TCHH: variants seen among roughly 807,000 people sequenced by gnomAD.
TCHH encodes the protein trichohyalin.
In TCHH, 6 loss-of-function variants were observed where a neutral mutation model predicts 6.3. The observed-to-expected ratio is 0.95, with a 90% confidence interval of 0.52 to 1.88. TCHH has a LOEUF of 1.88. TCHH is among the 40% of genes most tolerant of loss of function. TCHH has a pLI of 0.01. For synonymous variants in TCHH, 1,087 were observed against 963.6 expected (o/e 1.13, Z -2.37); for missense variants, 2,920 against 2,449.1 (o/e 1.19, Z -4.06).
chr1:152,109,202 G>A lies in TCHH; in HGVS notation c.4015C>T (p.Arg1339Cys), dbSNP rs867454892. 2.5e-6 allele frequency: 4 copies of A among 1,614,122 alleles called. No homozygotes were observed. Among genetic ancestry groups the A allele is most frequent in the Middle Eastern group, 1.6e-4 (1 of 6,084 alleles). The change falls in exon 3 of 3, where the codon CGC becomes TGC. Residue 1339 changes from arginine (R) to cysteine (C), a missense_variant. Coordinates refer to ENST00000614923, the MANE Select transcript of TCHH (RefSeq NM_007113.4). ...RRRQETDRKF[R>C]EEEQLLQERE... ...TCCTGGAGCAGCTGTTCCTCCTCGC[G>A]GAATTTTCTGTCTGTCTCTTGACGG...
rs752069494 is a variant in TCHH, at chr1:152,108,350, C to T, written c.4867G>A (p.Glu1623Lys). Residue 1623 changes from glutamate (E) to lysine (K), a missense_variant, in exon 3 of 3, where the codon GAA (glutamate) becomes AAA (lysine). Coordinates refer to ENST00000614923, the MANE Select transcript of TCHH (RefSeq NM_007113.4). Reference protein sequence around the residue: ...LRQERDRKFREDEQLLQEREE... With the variant: ...LRQERDRKFRKDEQLLQEREE... ...CTTTCCTGGAGCAGCTGTTCGTCTT[C>T]GCGGAATTTTCTGTCGCGCTCCTGG... is the stretch of plus-strand genomic sequence containing the variant. The T allele has an allele frequency of 6.2e-7, 1 of 1,606,592 alleles. No individual in the cohort carries two copies. The highest frequency in any genetic ancestry group is 1.7e-5 in the Admixed American group (1 of 59,300).
rs201179054 is a variant in TCHH at position 152,108,542 on chromosome 1, C to G, written c.4675G>C (p.Glu1559Gln). The G allele has an allele frequency of 2.5e-6, 4 of 1,605,722 alleles. No homozygotes were observed. Among genetic ancestry groups the G allele is most frequent in the African/African-American group, 1.4e-5 (1 of 72,736 alleles). The change falls in exon 3 of 3, where the codon GAG (glutamate) becomes CAG (glutamine). Residue 1559 changes from glutamate (E) to glutamine (Q), a missense_variant. By Grantham distance (29) the Glu-to-Gln change is conservative. Coordinates refer to ENST00000614923, the MANE Select transcript of TCHH (RefSeq NM_007113.4). ...RRQDRDRKFR[E>Q]EEQLRQEREE... ...CTCTCCTGGCGCAGCTGTTCCTCCT[C>G]GCGGAATTTTCTGTCACGGTCCTGA...
Position 152,110,631 on chromosome 1 carries a change from C to T in TCHH, c.2586G>A (p.Arg862=), listed in dbSNP as rs781459279. 6.2e-7 allele frequency: 1 copy of T among 1,614,072 alleles called. No individual in the cohort carries two copies. The highest frequency in any genetic ancestry group is 1.3e-5 in the African/African-American group (1 of 74,948). ...CGCGGCGCTGCTCCTGGCTTCGCCTCCTCTCCTGATCCTCCTGGAGGCCGT... is the reference window on the plus strand; with the variant it reads ...CGCGGCGCTGCTCCTGGCTTCGCCTTCTCTCCTGATCCTCCTGGAGGCCGT... ...EEDGLQEDQE[R]RRSQEQRRDQ... is the part of the protein sequence containing the mutation. The change falls in exon 3 of 3, where the codon AGG becomes AGA. Residue 862 remains arginine (R), a synonymous_variant. Coordinates refer to ENST00000614923, the MANE Select transcript of TCHH (RefSeq NM_007113.4).
chr1:152,108,068 G>A lies in TCHH; in HGVS notation c.5149C>T (p.Arg1717Cys), dbSNP rs978447658. The part of the protein sequence containing the change: ...RKFLQEEQQL[R>C]RQELERKFRE... ...AATTTTCTCTCCAGTTCCTGGCGGC[G>A]CAGCTGCTGTTCCTCCTGGAGGAAT... Residue 1717 changes from arginine (R) to cysteine (C), a missense_variant, in exon 3 of 3, where the codon CGC (arginine) becomes TGC (cysteine). By Grantham distance (180) the Arg-to-Cys change is radical. Coordinates refer to ENST00000614923, the MANE Select transcript of TCHH (RefSeq NM_007113.4). 6.2e-7 allele frequency: 1 copy of A among 1,613,492 alleles called. No individual in the cohort carries two copies. Among genetic ancestry groups the A allele is most frequent in the South Asian group, 1.1e-5 (1 of 91,058 alleles).
Position 152,107,739 on chromosome 1 carries a change from C to T in TCHH, c.5478G>A (p.Glu1826=). 3 of 1,614,238 alleles carry T rather than the reference C, an allele frequency of 1.9e-6. No homozygotes were observed. In the South Asian group the frequency reaches 3.3e-5, roughly 18 times the overall value. The part of the protein sequence containing the change: ...QRDGKYRWEE[E]QLQLEEQEQR... Reference sequence around the variant, plus strand: ...GCTCTTGTTCCTCAAGTTGGAGCTGCTCTTCTTCCCAGCGATACTTTCCGT... The same window carrying T: ...GCTCTTGTTCCTCAAGTTGGAGCTGTTCTTCTTCCCAGCGATACTTTCCGT... Residue 1826 remains glutamate (E), a synonymous_variant, in exon 3 of 3, where the codon GAG becomes GAA. Transcript: ENST00000614923.
chr1:152,107,723 C>G lies in TCHH; in HGVS notation c.5494G>C (p.Glu1832Gln). Residue 1832 changes from glutamate to glutamine, a missense_variant, in exon 3 of 3, where the codon GAA becomes CAA. Transcript: ENST00000614923. ...TCCTGCCGCAGCCTCTGCTCTTGTT[C>G]CTCAAGTTGGAGCTGCTCTTCTTCC... ...RWEEEQLQLE[E>Q]QEQRLRQERD... The G allele has an allele frequency of 6.2e-7, 1 of 1,614,182 alleles. No individual in the cohort carries two copies. The highest frequency in any genetic ancestry group is 8.5e-7 in the Non-Finnish European group (1 of 1,180,038).
intron 1 of TCHH, 125 bp downstream of exon 1, chr1:152,115,262 GTTTA>G (rs1297460963): frequency 6.6e-6 from 1 of 152,180 alleles, no homozygotes; most frequent in Non-Finnish European, 1.5e-5. Flanking sequence ...GTTAGTGATA[GTTTA>G]TTTATCCCTG....
intron 2 of TCHH, 126 bp downstream of exon 2, chr1:152,113,817 G>T: frequency 9.3e-7 from 1 of 1,075,354 alleles, no homozygotes; most frequent in Admixed American, 2.5e-5. Flanking sequence ...AAATGAATGG[G>T]GGATGTAGTG....
At position 152,108,220 on chromosome 1, in the gene TCHH, TC is replaced by T. The variant is rs762044923; in HGVS notation, c.4996del (p.Asp1666ThrfsTer85). 7.9e-5 allele frequency: 127 copies of T among 1,613,100 alleles called. No individual in the cohort carries two copies. Among genetic ancestry groups the T allele is most frequent in the Non-Finnish European group, 1.0e-4 (120 of 1,179,764 alleles). On this transcript the variant is annotated frameshift_variant, in exon 3 of 3. Transcript: ENST00000614923. LOFTEE classifies it low-confidence loss of function (END_TRUNC). ...EREQQLRHDR[D>X]RKFREEEQLL... ...CTGTTCCTCTTCACGGAATTTTCTG[TC>T]GCGGTCGTGACGCAGCTGTTGTTCG...
rs1557809450 is a variant in TCHH, at chr1:152,109,171, T to TC, written c.4045dup (p.Glu1349GlyfsTer11). On this transcript the variant is annotated frameshift_variant, in exon 3 of 3. Transcript: ENST00000614923. LOFTEE classifies it low-confidence loss of function (END_TRUNC). ...CTCTTGGCGGCGCAGCGGCTGTTCC[T>TC]CCCTTTCCTGGAGCAGCTGTTCCTC... 1 of 1,613,894 alleles carries TC rather than the reference T, an allele frequency of 6.2e-7. No individual in the cohort carries two copies. The highest frequency in any genetic ancestry group is 2.2e-5 in the East Asian group (1 of 44,884).
rs1480378588 is a variant in TCHH at position 152,106,338 on chromosome 1, TTAA to T, written c.*1044_*1046del. ...GTAGTTACTTGCCAAACATTTATTATTAATTTTTCACAGTCCAATTATTTCAAC... is the reference window on the plus strand; with the variant it reads ...GTAGTTACTTGCCAAACATTTATTATTTTTTCACAGTCCAATTATTTCAAC... On this transcript the variant is annotated 3_prime_UTR_variant, in exon 3 of 3. Coordinates refer to ENST00000614923, the MANE Select transcript of TCHH (RefSeq NM_007113.4). 6.6e-6 allele frequency: 1 copy of T among 152,194 alleles called. No homozygotes were observed. The highest frequency in any genetic ancestry group is 2.4e-5 in the African/African-American group (1 of 41,442). 9.4% of individuals were successfully genotyped at this position (152,194 alleles called of 1,614,324 possible).
chr1:152,111,353 G>A lies in TCHH; in HGVS notation c.1864C>T (p.Arg622Cys), dbSNP rs758469319. 1.9e-6 allele frequency: 3 copies of A among 1,604,606 alleles called. No homozygotes were observed. In the African/African-American group the frequency reaches 4.2e-5, roughly 22 times the overall value. Reference protein sequence around the residue: ...QEERREQRLKREEPEEERRQQ... With the variant: ...QEERREQRLKCEEPEEERRQQ... Reference sequence around the variant, plus strand: ...CGCCTCTCTTCCTCCGGCTCCTCGCGCTTCAGCCGCTGCTCGCGCCTCTCC... The same window carrying A: ...CGCCTCTCTTCCTCCGGCTCCTCGCACTTCAGCCGCTGCTCGCGCCTCTCC... Residue 622 changes from arginine (R) to cysteine (C), a missense_variant, in exon 3 of 3, where the codon CGC becomes TGC. Coordinates refer to ENST00000614923, the MANE Select transcript of TCHH (RefSeq NM_007113.4).
Position 152,110,558 on chromosome 1 carries a change from G to A in TCHH, c.2659C>T (p.His887Tyr). The A allele has an allele frequency of 6.2e-7, 1 of 1,614,144 alleles. No individual in the cohort carries two copies. The highest frequency in any genetic ancestry group is 8.5e-7 in the Non-Finnish European group (1 of 1,180,028). ...QLEEERKRRR[H>Y]TLYAKPALQE... ...AGGGCTGGCTTGGCGTACAGCGTGT[G>A]GCGGCGTCTCTTCCTTTCTTCTTCT... Residue 887 changes from histidine to tyrosine, a missense_variant, in exon 3 of 3, where the codon CAC becomes TAC. Transcript: ENST00000614923.
chr1:152,111,251 C>T lies in TCHH; in HGVS notation c.1966G>A (p.Glu656Lys), dbSNP rs774008230. Residue 656 changes from glutamate to lysine, a missense_variant, in exon 3 of 3, where the codon GAG becomes AAG. Coordinates refer to ENST00000614923, the MANE Select transcript of TCHH (RefSeq NM_007113.4). ...QLRREQQERR[E>K]QRLKREEEEE... is the part of the protein sequence containing the mutation. ...TCCTCCTCGCGCTTCAGCCGCTGCT[C>T]GCGCCTTTCCTGCTGCTCGCGCCTT... is the stretch of plus-strand genomic sequence containing the variant. 7.5e-6 allele frequency: 12 copies of T among 1,601,400 alleles called. No individual in the cohort carries two copies. Among genetic ancestry groups the T allele is most frequent in the African/African-American group, 1.4e-5 (1 of 72,646 alleles).
chr1:152,111,819 CCT>C lies in TCHH; in HGVS notation c.1396_1397del (p.Arg466AlafsTer211), dbSNP rs1460631290. The C allele has an allele frequency of 1.0e-5, 16 of 1,586,856 alleles. No individual in the cohort carries two copies. The highest frequency in any genetic ancestry group is 1.4e-5 in the Non-Finnish European group (16 of 1,168,876). Reference sequence around the variant, plus strand: ...GCTGCTTGCGCCTCTCCTGCTCGTGCCTCTCCGTCTCCTCCTCGCGCTTCAGC... The same window carrying C: ...GCTGCTTGCGCCTCTCCTGCTCGTGCCTCCGTCTCCTCCTCGCGCTTCAGC... Reference protein sequence around the residue: ...DWLKREEETERHEQERRKQQL... With the variant: ...DWLKREEETEXHEQERRKQQL... On this transcript the variant is annotated frameshift_variant, in exon 3 of 3. Transcript: ENST00000614923. LOFTEE classifies it low-confidence loss of function (END_TRUNC).
At position 152,107,771 on chromosome 1, in the gene TCHH, G is replaced by C. The variant is rs368815102; in HGVS notation, c.5446C>G (p.Gln1816Glu). Residue 1816 changes from glutamine (Q) to glutamate (E), a missense_variant, in exon 3 of 3, where the codon CAG becomes GAG. Physicochemically the swap from Gln to Glu is conservative, Grantham distance 29 (BLOSUM62 2). Coordinates refer to ENST00000614923, the MANE Select transcript of TCHH (RefSeq NM_007113.4). Reference sequence around the variant, plus strand: ...TCCCAGCGATACTTTCCGTCACGCTGTTGGGGGCGCAGCTGCTGTTCTTCC... The same window carrying C: ...TCCCAGCGATACTTTCCGTCACGCTCTTGGGGGCGCAGCTGCTGTTCTTCC... ...EREEQQLRPQQRDGKYRWEEE... is the reference protein window; with the variant it reads ...EREEQQLRPQERDGKYRWEEE... The C allele has an allele frequency of 2.5e-6, 4 of 1,614,050 alleles. No homozygotes were observed. In the African/African-American group the frequency reaches 5.3e-5, roughly 22 times the overall value.
In TCHH at chr1:152,111,686, G is replaced by A. The variant is rs774350476; in HGVS notation, c.1531C>T (p.Gln511Ter). ...ERREQQLRRE[Q>*]EERREQRLKR... Reference sequence around the variant, plus strand: ...AGCCGCTGCTCGCGCCTCTCCTCTTGCTCCCGCCTTAGTTGCTGCTCGCGC... The same window carrying A: ...AGCCGCTGCTCGCGCCTCTCCTCTTACTCCCGCCTTAGTTGCTGCTCGCGC... The change falls in exon 3 of 3, where the codon CAA becomes TAA. Residue 511 changes from glutamine to a stop codon, truncating the protein, a stop_gained. Transcript: ENST00000614923. LOFTEE classifies it low-confidence loss of function (END_TRUNC). 6.5e-7 allele frequency: 1 copy of A among 1,528,890 alleles called. No individual in the cohort carries two copies. Among genetic ancestry groups the A allele is most frequent in the Non-Finnish European group, 8.9e-7 (1 of 1,121,952 alleles). The allele number at this position is 1,528,890 out of a possible 1,614,324, so 94.7% of individuals were successfully genotyped here.
chr1:152,112,240 T>A lies in TCHH; in HGVS notation c.977A>T (p.Glu326Val), dbSNP rs537487165. Reference protein sequence around the residue: ...EQQEERREQQERREQQEERRE... With the variant: ...EQQEERREQQVRREQQEERRE... The stretch of plus-strand genomic sequence containing the variant: ...CCTCTCCTCCTGCTGCTCGCGCCTC[T>A]CCTGCTGCTCGCGCCTCTCCTCCTG... The change falls in exon 3 of 3, where the codon GAG (glutamate) becomes GTG (valine). Residue 326 changes from glutamate to valine, a missense_variant. Physicochemically the swap from Glu to Val is moderately radical, Grantham distance 121. Coordinates refer to ENST00000614923, the MANE Select transcript of TCHH (RefSeq NM_007113.4). The A allele has an allele frequency of 6.7e-6, 10 of 1,493,942 alleles. No homozygotes were observed. The highest frequency in any genetic ancestry group is 5.3e-5 in the East Asian group (2 of 37,712). The allele number at this position is 1,493,942 out of a possible 1,614,324, so 92.5% of individuals were successfully genotyped here.
In TCHH at chr1:152,107,521, C is replaced by T; in HGVS notation, c.5696G>A (p.Gly1899Glu). 6.2e-7 allele frequency: 1 copy of T among 1,614,190 alleles called. No homozygotes were observed. Among genetic ancestry groups the T allele is most frequent in the Non-Finnish European group, 8.5e-7 (1 of 1,180,034 alleles). Residue 1899 changes from glycine (G) to glutamate (E), a missense_variant, in exon 3 of 3, where the codon GGG becomes GAG. By Grantham distance (98) the Gly-to-Glu change is moderately conservative. Coordinates refer to ENST00000614923, the MANE Select transcript of TCHH (RefSeq NM_007113.4). ...CTTCCCTTCTTGGGATTTTATCTCC[C>T]CGACTTGGCGGTGCCTCTGTTCCTC... ...QKEEQRHRQV[G>E]EIKSQEGKGH...
Sources: gnomAD v4.1 joint callset for allele counts on GRCh38, gnomAD v4.1.1 for gene constraint, MANE v1.5 for transcripts, NCBI Gene and HGNC (gene_info 2026-07-23, HGNC 2026-07-21) for gene names.